Variants in STK3 observed in about 807,000 individuals in gnomAD.
STK3 encodes serine/threonine kinase 3.
A neutral mutation model predicts 58.0 loss-of-function variants in STK3; 41 were observed. The observed-to-expected ratio is 0.71, with a 90% CI of 0.55 to 0.92. The LOEUF is 0.92. STK3 is among the 40% of genes least tolerant of loss of function. The probability of loss-of-function intolerance (pLI) is 0.00; values close to 1 mark genes in which losing one functional copy is unlikely to be tolerated. For missense variants in STK3, 479 were observed against 602.7 expected (o/e 0.79, Z 2.15); for synonymous variants, 170 against 191.0 (o/e 0.89, Z 0.91).
intron 3 of STK3, among the ~76,000 whole-genome samples, chr8:98,763,889 G>A (rs1201873289): frequency 3.9e-5 from 6 of 152,258 alleles, no homozygotes; most frequent in African/African-American, 1.4e-4. Context: ...TGGCCAGGCT[G>A]GTGTTGAACT....
chr8:98,587,818 C>A lies in STK3; in HGVS notation c.823-8029G>T, dbSNP rs199852955. 4.8e-3 allele frequency among the ~76,000 whole-genome samples: 732 copies of A among 152,222 alleles called. 8 individuals carry two copies. The highest frequency in any genetic ancestry group is 0.036 in the East Asian group (188 of 5,188). On this transcript the variant is annotated intron_variant, in intron 7 of 10. Coordinates refer to ENST00000419617, the MANE Select transcript of STK3 (RefSeq NM_006281.4). ...GCATATATATTTAGTATAGTTAGCT[C>A]TTCTTGTTGAATTGATCCCTTTACC...
downstream of STK3, among the ~76,000 whole-genome samples, chr8:98,367,934 C>A (rs767379256): frequency 6.6e-6 from 1 of 152,202 alleles, no homozygotes; most frequent in African/African-American, 2.4e-5. Context: ...TGAACTTGCA[C>A]GCTGATTGTA....
At chr8:98,732,650 C>A (rs1416133268) in intron 4 of STK3, among the ~76,000 whole-genome samples, 3 of 151,980 alleles carry the variant, frequency 2.0e-5, no homozygotes, top group Admixed American at 2.0e-4. Flanking sequence ...AGGAAATATC[C>A]TTTTTTTAAT....
At chr8:98,940,225 C>G (rs1303256544) in intron 1 of STK3, among the ~76,000 whole-genome samples, 1 of 152,206 alleles carries the variant, frequency 6.6e-6, no homozygotes, top group Non-Finnish European at 1.5e-5. Context: ...CGCTCCTCCC[C>G]CGGGACCATC....
At chr8:98,544,649 AACACACACACACACACACACAC>A (rs59159370) in intron 9 of STK3, among the ~76,000 whole-genome samples, 9 of 137,522 alleles carry the variant, frequency 6.5e-5, no homozygotes, top group East Asian at 2.2e-4. Flanking sequence ...ATTCTACTAT[AACACACACACACACACACACAC>A]ACACACACAC....
intron 6 of STK3, among the ~76,000 whole-genome samples, chr8:98,614,986 G>T (rs1160927460): frequency 6.6e-6 from 1 of 152,212 alleles, no homozygotes; most frequent in Non-Finnish European, 1.5e-5. Flanking sequence ...GCCTGCCTCT[G>T]TAAGCTCCAC....
At chr8:98,377,469 A>C (rs1817687279) in intron 2 of STK3, among the ~76,000 whole-genome samples, 1 of 151,908 alleles carries the variant, frequency 6.6e-6, no homozygotes, top group African/African-American at 2.4e-5. Context: ...TTTTCTTCTG[A>C]ATTGAATTAT....
chr8:98,626,340 G>A (rs1439093197), intron 6 of STK3, among the ~76,000 whole-genome samples: 1 of 152,226 alleles, frequency 6.6e-6, no homozygotes, highest in East Asian at 1.9e-4. Context: ...AAATGTTTCA[G>A]AGCAGGGATC....
At chr8:98,775,078 C>G (rs1245015263) in intron 1 of STK3, among the ~76,000 whole-genome samples, 1 of 152,104 alleles carries the variant, frequency 6.6e-6, no homozygotes, top group African/African-American at 2.4e-5. Flanking sequence ...CTTAATTCCT[C>G]CCCTTTGAAT....
chr8:98,882,162 G>T (rs1004744336), downstream of STK3: 2 of 152,056 alleles, frequency 1.3e-5, no homozygotes, highest in Admixed American at 6.6e-5. Flanking sequence ...GAAAAATTGG[G>T]TAGTCATGAA....
chr8:98,363,490 G>A, the STK3 span, among the ~76,000 whole-genome samples: 1 of 152,158 alleles, frequency 6.6e-6, no homozygotes. Flanking sequence ...CTACCATCAT[G>A]GGGCTTTGGT....
At position 98,765,000 on chromosome 8, in the gene STK3, G is replaced by A. The variant is rs189321349; in HGVS notation, c.236+2243C>T. Among the ~76,000 whole-genome samples, 1,272 of 152,296 alleles carry A rather than the reference G, an allele frequency of 8.4e-3. 10 individuals carry two copies. Among genetic ancestry groups the A allele is most frequent in the African/African-American group, 0.029 (1,194 of 41,558 alleles). ...CTAGCTTCAAGGAAGATAATGGGTTGGAGGAGGCAAACAAAGTGAACAAAT... is the reference window on the plus strand; with the variant it reads ...CTAGCTTCAAGGAAGATAATGGGTTAGAGGAGGCAAACAAAGTGAACAAAT... On this transcript the variant is annotated intron_variant, in intron 3 of 10. Coordinates refer to ENST00000419617, the MANE Select transcript of STK3 (RefSeq NM_006281.4).
intron 1 of STK3, among the ~76,000 whole-genome samples, chr8:98,445,819 C>T (rs1380976016): frequency 6.6e-6 from 1 of 152,208 alleles, no homozygotes; most frequent in African/African-American, 2.4e-5. Flanking sequence ...CAAGCCTCTG[C>T]AGACATCACT....
At chr8:98,803,941 T>C (rs1218863650) in intron 1 of STK3, among the ~76,000 whole-genome samples, 3 of 152,074 alleles carry the variant, frequency 2.0e-5, no homozygotes, top group Non-Finnish European at 4.4e-5. Context: ...AACATAATAA[T>C]AAAGGTAGCT....
rs555829446 is a variant in STK3 at position 98,530,097 on chromosome 8, G to A, written c.1142-3180C>T. 1.2e-4 allele frequency among the ~76,000 whole-genome samples: 18 copies of A among 152,120 alleles called. No homozygotes were observed. In the South Asian group the frequency reaches 3.5e-3, roughly 30 times the overall value. On this transcript the variant is annotated intron_variant, in intron 9 of 10. Transcript: ENST00000419617. The stretch of plus-strand genomic sequence containing the variant: ...ATAATGTAAGTCACATAAATTTTTT[G>A]GTTTCCCAGTGCACATAAAAGTTAT...
chr8:98,610,737 C>T (rs1318546503), intron 6 of STK3, among the ~76,000 whole-genome samples: 1 of 152,184 alleles, frequency 6.6e-6, no homozygotes, highest in Non-Finnish European at 1.5e-5. Flanking sequence ...TGGGCTCTAG[C>T]ACAGAGATGT....
At chr8:98,406,896 T>C (rs1229722736) in intron 3 of STK3, among the ~76,000 whole-genome samples, 2 of 152,174 alleles carry the variant, frequency 1.3e-5, no homozygotes, top group African/African-American at 4.8e-5. Context: ...AGCAGCCCCC[T>C]TGAAAATATG....
chr8:98,862,492 G>A (rs1001503110), intron 3 of STK3, among the ~76,000 whole-genome samples: 3 of 152,198 alleles, frequency 2.0e-5, no homozygotes, highest in Non-Finnish European at 4.4e-5. Context: ...ACAATCTTCA[G>A]CTATGTAAAT....
chr8:98,626,942 T>C (rs940761587), intron 6 of STK3, among the ~76,000 whole-genome samples: 4 of 152,216 alleles, frequency 2.6e-5, no homozygotes, highest in Non-Finnish European at 5.9e-5. Flanking sequence ...CAAAAGATAA[T>C]GTTTGTTGAG....
Sources: allele counts gnomAD v4.1 joint callset (sites outside exome capture counted in the v4.1 genomes callset), GRCh38; gene constraint gnomAD v4.1.1; transcripts MANE v1.5; gene names NCBI Gene and HGNC (gene_info 2026-07-23, HGNC 2026-07-21).